TMPRSS7: variants seen among roughly 807,000 people sequenced by gnomAD.
TMPRSS7 encodes the protein transmembrane serine protease 7.
In TMPRSS7, 81 loss-of-function variants were observed where a neutral mutation model predicts 95.6. The ratio of observed to expected loss-of-function variants is 0.85; its 90% CI spans 0.71 to 1.02. TMPRSS7 has a LOEUF of 1.02. Ranked by LOEUF, TMPRSS7 falls within the 50% of genes least tolerant of loss-of-function variation. The pLI is 0.00. For missense variants in TMPRSS7, 945 were observed against 955.2 expected (o/e 0.99, Z 0.14); for synonymous variants, 364 against 337.8 (o/e 1.08, Z -0.85).
At chr3:112,076,238 G>C (rs1175765335) in intron 15 of TMPRSS7, among the ~76,000 whole-genome samples, 1 of 152,156 alleles carries the variant, frequency 6.6e-6, no homozygotes, top group East Asian at 1.9e-4. Flanking sequence ...TATGCTGATG[G>C]AGATGGACGC....
chr3:112,050,264 G>A (rs542690237), intron 8 of TMPRSS7, among the ~76,000 whole-genome samples: 4 of 152,202 alleles, frequency 2.6e-5, no homozygotes, highest in African/African-American at 9.6e-5. Context: ...CATCCCTAAG[G>A]CTGGGTGAAC....
At chr3:112,067,311 G>A (rs1258102830) in intron 13 of TMPRSS7, among the ~76,000 whole-genome samples, 1 of 152,216 alleles carries the variant, frequency 6.6e-6, no homozygotes, top group African/African-American at 2.4e-5. Context: ...TGTCTTTATA[G>A]TGGCATGATT....
intron 7 of TMPRSS7, among the ~76,000 whole-genome samples, chr3:112,048,660 T>C (rs1702638725): frequency 6.6e-6 from 1 of 152,222 alleles, no homozygotes; most frequent in Non-Finnish European, 1.5e-5. Context: ...TCTATGGATG[T>C]ATGCAACAAT....
intron 4 of TMPRSS7, 60 bp from the exon 5 acceptor site, chr3:112,045,690 G>T (rs1321862020): frequency 6.9e-7 from 1 of 1,452,170 alleles, no homozygotes; most frequent in Admixed American, 2.5e-5. Flanking sequence ...CCATCATCTG[G>T]GTATTTCTTC....
At chr3:112,067,448 A>G (rs1318632373) in intron 13 of TMPRSS7, among the ~76,000 whole-genome samples, 1 of 152,214 alleles carries the variant, frequency 6.6e-6, no homozygotes, top group Non-Finnish European at 1.5e-5. Flanking sequence ...TCCCACCAAC[A>G]GTGTAAAAGC....
chr3:112,064,795 A>C (rs181248589), intron 12 of TMPRSS7, among the ~76,000 whole-genome samples: 1 of 152,252 alleles, frequency 6.6e-6, no homozygotes, highest in East Asian at 1.9e-4. Context: ...TTAATTTTTC[A>C]TGACTATTTG....
At chr3:112,076,955 A>G in exon 16 of TMPRSS7, 2 of 1,614,196 alleles carry the variant, frequency 1.2e-6, no homozygotes, top group South Asian at 1.1e-5. Context: ...CCCGGTGAGA[A>G]GAATTGTGGT....
At chr3:112,059,567 G>A (rs1034456029) in intron 10 of TMPRSS7, among the ~76,000 whole-genome samples, 1 of 152,164 alleles carries the variant, frequency 6.6e-6, no homozygotes, top group Non-Finnish European at 1.5e-5. Flanking sequence ...AACATAATCA[G>A]CATGTTTTTA....
chr3:112,036,829 A>T (rs2107734151), intron 1 of TMPRSS7, among the ~76,000 whole-genome samples: 1 of 152,372 alleles, frequency 6.6e-6, no homozygotes, highest in South Asian at 2.1e-4. Flanking sequence ...TTTCACGGAC[A>T]TTTATTGGTT....
exon 16 of TMPRSS7, chr3:112,077,121 G>T (rs1216662615): frequency 6.2e-7 from 1 of 1,613,974 alleles, no homozygotes; most frequent in African/African-American, 1.3e-5. Flanking sequence ...TGGGTAACTG[G>T]CTGGGGGCGA....
At chr3:112,051,675 CT>C (rs566587536) in intron 9 of TMPRSS7, among the ~76,000 whole-genome samples, 155 of 145,516 alleles carry the variant, frequency 1.1e-3, no homozygotes, top group African/African-American at 3.4e-3. Context: ...TATCATCTAT[CT>C]ATCTATCTAT....
At chr3:112,038,810 C>A (rs1354213026) in intron 2 of TMPRSS7, among the ~76,000 whole-genome samples, 1 of 152,118 alleles carries the variant, frequency 6.6e-6, no homozygotes, top group Non-Finnish European at 1.5e-5. Flanking sequence ...GAGACATAAG[C>A]CAGAATTCTC....
chr3:112,043,152 G>A (rs977283687), intron 3 of TMPRSS7: 35 of 454,712 alleles, frequency 7.7e-5, no homozygotes, highest in South Asian at 5.4e-4. Flanking sequence ...ATCATAGAGT[G>A]TGTGTACACA....
intron 1 of TMPRSS7, among the ~76,000 whole-genome samples, chr3:112,035,343 TC>T (rs2073144073): frequency 6.6e-6 from 1 of 152,222 alleles, no homozygotes; most frequent in Non-Finnish European, 1.5e-5. Flanking sequence ...CAGTCCTCAT[TC>T]CTGCAGGACA....
At chr3:112,059,304 G>A (rs994383361) in intron 10 of TMPRSS7, among the ~76,000 whole-genome samples, 13 of 152,134 alleles carry the variant, frequency 8.5e-5, no homozygotes, top group African/African-American at 2.9e-4. Flanking sequence ...TTATGTCTTA[G>A]TTTCCTCACT....
intron 10 of TMPRSS7, among the ~76,000 whole-genome samples, chr3:112,059,953 G>A (rs565625269): frequency 3.3e-4 from 51 of 152,280 alleles, no homozygotes; most frequent in African/African-American, 1.2e-3. Context: ...ACCTGCCCCC[G>A]ATAGTCATGT....
At chr3:112,042,300 A>C (rs2073218890) in intron 3 of TMPRSS7, among the ~76,000 whole-genome samples, 1 of 152,200 alleles carries the variant, frequency 6.6e-6, no homozygotes. Context: ...GTTCTTCTGA[A>C]CCGTAAAATA....
rs756709199 is a variant in TMPRSS7, at chr3:112,075,302, T to C, written c.1784-19T>C. 7.2e-7 allele frequency: 1 copy of C among 1,395,376 alleles called. No homozygotes were observed. The highest frequency in any genetic ancestry group is 1.8e-5 in the South Asian group (1 of 55,512). The allele number at this position is 1,395,376 out of a possible 1,614,324, so 86.4% of individuals were successfully genotyped here. The stretch of plus-strand genomic sequence containing the variant: ...CTTCCAAGTCTACCTTTAAATCACA[T>C]GCCCTTTCTCCACCAAAGCCTGCAG... On this transcript the variant is annotated intron_variant, in intron 14 of 17. Transcript: ENST00000452346.
intron 15 of TMPRSS7, 136 bp downstream of exon 15, chr3:112,075,628 C>T (rs966840084): frequency 6.8e-6 from 5 of 732,162 alleles, no homozygotes; most frequent in Admixed American, 3.7e-5. Context: ...TTGGATCCCA[C>T]GTGTGTGACA....
Sources: gnomAD v4.1 joint callset for allele counts (sites outside exome capture counted in the v4.1 genomes callset) on GRCh38, gnomAD v4.1.1 for gene constraint, MANE v1.5 for transcripts, NCBI Gene and HGNC (gene_info 2026-07-23, HGNC 2026-07-21) for gene names.